The following VPS13D variants were observed in gnomAD, a reference collection of about 807,000 sequenced individuals.
VPS13D encodes the protein vacuolar protein sorting 13 homolog D, also known as intermembrane lipid transfer protein VPS13D.
VPS13D carries 187 observed loss-of-function variants against 461.9 expected under a neutral mutation model. The ratio of observed to expected loss-of-function variants is 0.40; its 90% confidence interval spans 0.36 to 0.46. VPS13D has a LOEUF of 0.46. Ranked by LOEUF, VPS13D falls within the 20% of genes least tolerant of loss-of-function variation. The pLI, the probability that VPS13D is intolerant of heterozygous loss-of-function variation, is 0.60. For synonymous variants in VPS13D, 1,951 were observed against 1,986.3 expected (o/e 0.98, Z 0.47); for missense variants, 4,711 against 5,364.9 (o/e 0.88, Z 3.81).
rs1253710173 is a variant in VPS13D at position 12,244,263 on chromosome 1, A to T, written c.193A>T (p.Thr65Ser). The T allele has an allele frequency of 6.2e-7, 1 of 1,612,620 alleles. No homozygotes were observed. The highest frequency in any genetic ancestry group is 1.7e-5 in the Admixed American group (1 of 59,654). The change falls in exon 4 of 70, where the codon ACC becomes TCC. Residue 65 changes from threonine to serine, a missense_variant. Physicochemically the swap from Thr to Ser is moderately conservative, Grantham distance 58. This residue lies in a region of VPS13D where 4,411 missense variants were observed against 4,937.8 expected (regional missense o/e 0.89). Transcript: ENST00000620676. ...EVKAGFIGKVTLQIPFYRPHV... is the reference protein window; with the variant it reads ...EVKAGFIGKVSLQIPFYRPHV... ...CCTTCCAGGCTTCATTGGGAAAGTA[A>T]CCCTTCAGATTCCCTTTTATCGCCC...
At chr1:12,330,996 A>C (rs957062715) in intron 37 of VPS13D, among the ~76,000 whole-genome samples, 10 of 152,260 alleles carry the variant, frequency 6.6e-5, no homozygotes, top group Non-Finnish European at 1.2e-4. Flanking sequence ...AAACAAACGA[A>C]AAACCACTGC....
At position 12,279,586 on chromosome 1, in the gene VPS13D, G is replaced by C; in HGVS notation, c.4538G>C (p.Ser1513Thr). The C allele has an allele frequency of 6.2e-7, 1 of 1,613,486 alleles. No individual in the cohort carries two copies. Among genetic ancestry groups the C allele is most frequent in the Non-Finnish European group, 8.5e-7 (1 of 1,179,592 alleles). The part of the protein sequence containing the change: ...ERESELTFSL[S>T]PDDLGTSSIM... Reference sequence around the variant, plus strand: ...GAATCTGAATTGACTTTTTCTCTTAGCCCAGATGACCTGGGAACTTCTAGC... The same window carrying C: ...GAATCTGAATTGACTTTTTCTCTTACCCCAGATGACCTGGGAACTTCTAGC... The change falls in exon 20 of 70, where the codon AGC (serine) becomes ACC (threonine). Residue 1513 changes from serine (S) to threonine (T), a missense_variant. Physicochemically the swap from Ser to Thr is moderately conservative, Grantham distance 58. This residue lies in a region of VPS13D where 4,411 missense variants were observed against 4,937.8 expected (regional missense o/e 0.89). Transcript: ENST00000620676. This position sits in a 1 kb window ranked among gnomAD's most constrained non-coding sequence, Gnocchi z 4.3.
At chr1:12,310,214 G>A (rs1458054076) in intron 27 of VPS13D, among the ~76,000 whole-genome samples, 2 of 151,936 alleles carry the variant, frequency 1.3e-5, no homozygotes, top group Admixed American at 6.5e-5. Context: ...TGAATGCAAG[G>A]TGTCCTGTCA....
chr1:12,478,295 C>T (rs571780509), intron 67 of VPS13D, among the ~76,000 whole-genome samples: 53 of 152,384 alleles, frequency 3.5e-4, no homozygotes, highest in Admixed American at 1.4e-3. Flanking sequence ...CCGAGGAATG[C>T]GGCTTCAGGG....
rs1200548845 is a variant in VPS13D at position 12,355,973 on chromosome 1, A to C, written c.9754A>C (p.Met3252Leu). ...TGGAACCCAAAACTATATGGTGAGAATGCGACTCTATGACGTCAACCGTCG... is the reference window on the plus strand; with the variant it reads ...TGGAACCCAAAACTATATGGTGAGACTGCGACTCTATGACGTCAACCGTCG... ...PPGTQNYMVR[M>L]RLYDVNRRQL... The change falls in exon 48 of 70, where the codon ATG (methionine) becomes CTG (leucine). Residue 3252 changes from methionine (M) to leucine (L), a missense_variant. By Grantham distance (15) the Met-to-Leu change is conservative. Transcript: ENST00000620676. 6.2e-7 allele frequency: 1 copy of C among 1,613,700 alleles called. No homozygotes were observed. Among genetic ancestry groups the C allele is most frequent in the African/African-American group, 1.3e-5 (1 of 74,918 alleles).
intron 68 of VPS13D, among the ~76,000 whole-genome samples, chr1:12,500,485 C>T (rs527904197): frequency 5.5e-4 from 84 of 152,032 alleles, no homozygotes; most frequent in African/African-American, 2.0e-3. Context: ...TCACCTATAA[C>T]GGTGCACACC....
At chr1:12,449,975 A>G (rs1304984845) in intron 65 of VPS13D, among the ~76,000 whole-genome samples, 1 of 152,106 alleles carries the variant, frequency 6.6e-6, no homozygotes, top group African/African-American at 2.4e-5. Context: ...AAATACAAAA[A>G]TTAGCCAGGC....
At chr1:12,352,965 C>CAAA (rs61588046) in intron 46 of VPS13D, among the ~76,000 whole-genome samples, 912 of 17,580 alleles carry the variant, frequency 0.052, 295 homozygotes, top group East Asian at 0.23. Flanking sequence ...AACTCAGTCT[C>CAAA]AAAAAAAAAA....
intron 65 of VPS13D, among the ~76,000 whole-genome samples, chr1:12,439,234 C>T (rs547381189): frequency 6.6e-6 from 1 of 152,300 alleles, no homozygotes; most frequent in Admixed American, 6.5e-5. Context: ...TGGTGCCTCA[C>T]TGTCTCACCA....
At chr1:12,370,476 A>G (rs1419684294) in intron 54 of VPS13D, among the ~76,000 whole-genome samples, 4 of 152,210 alleles carry the variant, frequency 2.6e-5, no homozygotes, top group African/African-American at 9.6e-5. Flanking sequence ...ACATTTTTGC[A>G]TATGAATAAG....
At chr1:12,334,449 A>G (rs1196553838) in intron 38 of VPS13D, among the ~76,000 whole-genome samples, 1 of 152,224 alleles carries the variant, frequency 6.6e-6, no homozygotes, top group Non-Finnish European at 1.5e-5. Flanking sequence ...GGTGTTTCTG[A>G]TGAGTACAGT....
chr1:12,460,072 C>A, intron 66 of VPS13D, 129 bp from the exon 67 acceptor site: 1 of 748,412 alleles, frequency 1.3e-6, no homozygotes, highest in African/African-American at 1.8e-5. Context: ...GTTGGCCTGT[C>A]TGTGGCCTCT....
In VPS13D at chr1:12,348,925, C is replaced by A. The variant is rs1417193611; in HGVS notation, c.9172C>A (p.Leu3058Ile). 5 of 1,614,074 alleles carry A rather than the reference C, an allele frequency of 3.1e-6. No individual in the cohort carries two copies. Reference sequence around the variant, plus strand: ...GTCAGCCCTCATTGTGAGGAACAGACTTGAGACACCAATGGAACTAAGACT... The same window carrying A: ...GTCAGCCCTCATTGTGAGGAACAGAATTGAGACACCAATGGAACTAAGACT... The part of the protein sequence containing the change: ...VRSALIVRNR[L>I]ETPMELRLDS... The change falls in exon 45 of 70, where the codon CTT (leucine) becomes ATT (isoleucine). Residue 3058 changes from leucine to isoleucine, a missense_variant. Physicochemically the swap from Leu to Ile is conservative, Grantham distance 5. Coordinates refer to ENST00000620676, the MANE Select transcript of VPS13D (RefSeq NM_015378.4).
intron 18 of VPS13D, 37 bp from the exon 19 acceptor site, chr1:12,275,788 C>T: frequency 6.6e-7 from 1 of 1,521,668 alleles, no homozygotes; most frequent in Admixed American, 2.2e-5. Flanking sequence ...AGGGAAATAG[C>T]AGACATATAT....
At position 12,276,526 on chromosome 1, in the gene VPS13D, G is replaced by A; in HGVS notation, c.2938G>A (p.Val980Met). Residue 980 changes from valine (V) to methionine (M), a missense_variant, in exon 19 of 70, where the codon GTG (valine) becomes ATG (methionine). By Grantham distance (21) the Val-to-Met change is conservative (BLOSUM62 1). Coordinates refer to ENST00000620676, the MANE Select transcript of VPS13D (RefSeq NM_015378.4). This position sits in a 1 kb window ranked among gnomAD's most constrained non-coding sequence, Gnocchi z 4.5. Reference sequence around the variant, plus strand: ...TGGCCGGTACATTTCTGTGCTCAAGGTGTTTGGTACCAATGCTCACTTTGT... The same window carrying A: ...TGGCCGGTACATTTCTGTGCTCAAGATGTTTGGTACCAATGCTCACTTTGT... ...SNGRYISVLK[V>M]FGTNAHFVKR... The A allele has an allele frequency of 6.2e-7, 1 of 1,614,184 alleles. No individual in the cohort carries two copies. The highest frequency in any genetic ancestry group is 8.5e-7 in the Non-Finnish European group (1 of 1,180,038).
intron 65 of VPS13D, among the ~76,000 whole-genome samples, chr1:12,431,984 CA>C (rs1046883226): frequency 6.6e-6 from 1 of 152,006 alleles, no homozygotes; most frequent in African/African-American, 2.4e-5. Context: ...TGGGTGATGC[CA>C]AAATTAATCT....
intron 1 of VPS13D, among the ~76,000 whole-genome samples, 195 bp from the exon 2 acceptor site, chr1:12,233,996 C>T (rs896734214): frequency 7.2e-5 from 11 of 152,058 alleles, no homozygotes; most frequent in South Asian, 2.1e-4. Context: ...TGCAGTGAGC[C>T]GAGATTGTGC....
chr1:12,316,032 G>A (rs1642878145), intron 30 of VPS13D, among the ~76,000 whole-genome samples: 1 of 152,082 alleles, frequency 6.6e-6, no homozygotes, highest in African/African-American at 2.4e-5. Context: ...GGCCAGGCTG[G>A]TCTCAAACTC....
chr1:12,413,733 A>T (rs959372128), intron 63 of VPS13D, among the ~76,000 whole-genome samples: 1 of 151,802 alleles, frequency 6.6e-6, no homozygotes, highest in Non-Finnish European at 1.5e-5. Context: ...CAGCTTCCCA[A>T]AGTGCTGGGA....
Sources: allele counts gnomAD v4.1 joint callset (sites outside exome capture counted in the v4.1 genomes callset), GRCh38; gene constraint gnomAD v4.1.1; regional missense constraint gnomAD v4.1.1; non-coding constraint Gnocchi (gnomAD v3.1); transcripts MANE v1.5; gene names NCBI Gene and HGNC (gene_info 2026-07-23, HGNC 2026-07-21).